The following EXT2 variants were observed in gnomAD, a reference collection of about 807,000 sequenced individuals.
EXT2 encodes the protein exostosin-2.
A neutral mutation model predicts 81.6 loss-of-function variants in EXT2; 53 were observed. That is an observed-to-expected ratio of 0.65 (90% CI 0.52 to 0.82). EXT2 has a LOEUF of 0.82. EXT2 is among the 40% of genes least tolerant of loss of function. The pLI is 0.00. For missense variants in EXT2, 774 were observed against 910.2 expected (o/e 0.85, Z 1.93); for synonymous variants, 320 against 340.0 (o/e 0.94, Z 0.65).
intron 1 of EXT2, among the ~76,000 whole-genome samples, chr11:44,096,615 G>T (rs1451161464): frequency 6.6e-6 from 1 of 152,158 alleles, no homozygotes; most frequent in Non-Finnish European, 1.5e-5. Context: ...CGGGGCCAGG[G>T]GCATGTTAGT....
chr11:44,142,408 T>G (rs1464548958), intron 7 of EXT2, among the ~76,000 whole-genome samples: 1 of 152,224 alleles, frequency 6.6e-6, no homozygotes, highest in Non-Finnish European at 1.5e-5. Context: ...AATATAGTTA[T>G]TTTTCTACCG....
chr11:44,111,467 A>G (rs1011096490), intron 3 of EXT2, among the ~76,000 whole-genome samples: 1 of 152,170 alleles, frequency 6.6e-6, no homozygotes, highest in Non-Finnish European at 1.5e-5. Flanking sequence ...TTTTATTTTA[A>G]CTTGAGTAGG....
At chr11:44,207,323 G>T (rs1955595810) in intron 10 of EXT2, among the ~76,000 whole-genome samples, 1 of 152,222 alleles carries the variant, frequency 6.6e-6, no homozygotes, top group South Asian at 2.1e-4. Context: ...ACATCAATAA[G>T]TGAAGAAGCT....
chr11:44,142,126 A>G (rs1954654573), intron 7 of EXT2, among the ~76,000 whole-genome samples: 1 of 152,254 alleles, frequency 6.6e-6, no homozygotes, highest in Admixed American at 6.5e-5. Flanking sequence ...TGGCAACAAC[A>G]GAAACATAGG....
chr11:44,157,002 G>A (rs1446941266), intron 7 of EXT2, among the ~76,000 whole-genome samples: 1 of 152,212 alleles, frequency 6.6e-6, no homozygotes, highest in African/African-American at 2.4e-5. Flanking sequence ...AGCCTTGGTG[G>A]TCACGGATAA....
chr11:44,184,545 A>T (rs1423029199), intron 8 of EXT2, among the ~76,000 whole-genome samples: 1 of 151,988 alleles, frequency 6.6e-6, no homozygotes, highest in Non-Finnish European at 1.5e-5. Flanking sequence ...AGGTCAGGAG[A>T]TGGAGACCAT....
At chr11:44,194,736 C>G (rs1385992704) in intron 8 of EXT2, among the ~76,000 whole-genome samples, 1 of 152,138 alleles carries the variant, frequency 6.6e-6, no homozygotes, top group Non-Finnish European at 1.5e-5. Context: ...AGTAAGTACT[C>G]AGTAAATCTT....
At chr11:44,106,985 T>C (rs1432739238) in intron 1 of EXT2, among the ~76,000 whole-genome samples, 1 of 152,226 alleles carries the variant, frequency 6.6e-6, no homozygotes, top group Non-Finnish European at 1.5e-5. Flanking sequence ...CATTATTTTA[T>C]GTTAAGCAAG....
rs1272852388 is a variant in EXT2 at position 44,220,963 on chromosome 11, T to C, written c.1663-11390T>C. ...GTTTGCTGAACATTGAAATAACATC[T>C]GATCATTGAAAAAAAGCACCTAGTT... On this transcript the variant is annotated intron_variant, in intron 10 of 13. Coordinates refer to ENST00000533608, the MANE Select transcript of EXT2 (RefSeq NM_207122.2). The surrounding 1 kb of genome is among the most constrained non-coding windows in gnomAD (Gnocchi z 4.4). Among the ~76,000 whole-genome samples, 2 of 152,198 alleles carry C rather than the reference T, an allele frequency of 1.3e-5. No homozygotes were observed. The highest frequency in any genetic ancestry group is 3.8e-4 in the East Asian group (2 of 5,200).
chr11:44,205,726 G>A (rs1027378), intron 9 of EXT2, among the ~76,000 whole-genome samples: 139,220 of 152,240 alleles, frequency 0.91, 63,752 homozygotes, highest in East Asian at 0.99. Context: ...TTCTTCTTCA[G>A]TATGGTGACT....
intron 10 of EXT2, among the ~76,000 whole-genome samples, chr11:44,229,963 A>G (rs1955879938): frequency 1.3e-5 from 2 of 152,230 alleles, no homozygotes; most frequent in South Asian, 4.1e-4. Flanking sequence ...TTGAGTTTAA[A>G]TTCTGCAAGA....
chr11:44,171,812 A>T, intron 8 of EXT2, 70 bp downstream of exon 8: 1 of 1,596,554 alleles, frequency 6.3e-7, no homozygotes, highest in East Asian at 2.2e-5. Context: ...GGAAAAATGT[A>T]CTACAATTGT....
chr11:44,212,034 C>T (rs1955653914), intron 10 of EXT2, among the ~76,000 whole-genome samples: 1 of 151,966 alleles, frequency 6.6e-6, no homozygotes, highest in South Asian at 2.1e-4. Context: ...ACCTGTAATC[C>T]CAGCACTTTG....
At chr11:44,114,380 A>G in intron 4 of EXT2, 79 bp downstream of exon 4, 2 of 1,270,994 alleles carry the variant, frequency 1.6e-6, no homozygotes, top group Non-Finnish European at 2.3e-6. Context: ...GGTGGGCATC[A>G]AAGCAACCAA....
At chr11:44,124,718 A>G in intron 4 of EXT2, 71 bp from the exon 5 acceptor site, 1 of 1,354,420 alleles carries the variant, frequency 7.4e-7, no homozygotes. Context: ...TAAGTTTAAT[A>G]TCAAAGTTTG....
chr11:44,173,688 C>T (rs1241903970), intron 8 of EXT2, among the ~76,000 whole-genome samples: 1 of 151,268 alleles, frequency 6.6e-6, no homozygotes, highest in Non-Finnish European at 1.5e-5. Flanking sequence ...CCTGCCTCAG[C>T]CTCCCGAGTA....
chr11:44,214,299 A>G (rs932017672), intron 10 of EXT2, among the ~76,000 whole-genome samples: 8 of 152,116 alleles, frequency 5.3e-5, no homozygotes, highest in African/African-American at 1.9e-4. Flanking sequence ...TATTTTTAGT[A>G]GAGACGGGGT....
chr11:44,178,491 C>T (rs1035679594), intron 8 of EXT2, among the ~76,000 whole-genome samples: 1 of 152,178 alleles, frequency 6.6e-6, no homozygotes, highest in Non-Finnish European at 1.5e-5. Flanking sequence ...AAACTCAGGG[C>T]TGCCTATACT....
At chr11:44,209,037 A>G (rs949411851) in intron 10 of EXT2, among the ~76,000 whole-genome samples, 8 of 152,186 alleles carry the variant, frequency 5.3e-5, no homozygotes, top group African/African-American at 1.7e-4. Flanking sequence ...CTGCTCTATC[A>G]CTGACCAATT....
Sources: allele counts gnomAD v4.1 joint callset (sites outside exome capture counted in the v4.1 genomes callset), GRCh38; gene constraint gnomAD v4.1.1; non-coding constraint Gnocchi (gnomAD v3.1); transcripts MANE v1.5; gene names NCBI Gene and HGNC (gene_info 2026-07-23, HGNC 2026-07-21).